The following MANBA variants were observed in gnomAD, a reference collection of about 807,000 sequenced individuals.
MANBA encodes the protein mannosidase beta, also known as beta-mannosidase.
Under a neutral mutation model 111.1 loss-of-function variants are expected in MANBA, and 83 were observed. The observed-to-expected ratio is 0.75, with a 90% CI of 0.63 to 0.90. The LOEUF (loss-of-function observed/expected upper bound fraction) is 0.90. Among genes scored for constraint, MANBA ranks in the 40% least tolerant of loss-of-function variants. The pLI is 0.00. For synonymous variants in MANBA, 370 were observed against 378.7 expected (o/e 0.98, Z 0.27); for missense variants, 1,036 against 1,069.0 (o/e 0.97, Z 0.43).
In MANBA at chr4:102,723,845, T is replaced by C. The variant is rs754692542; in HGVS notation, c.378+17A>G. On this transcript the variant is annotated intron_variant, in intron 3 of 16. Transcript: ENST00000647097. ...CACACATAAATTTTTTTTAACCTAA[T>C]GTCATTATATACTTACATATCTATT... 9.8e-6 allele frequency: 14 copies of C among 1,433,208 alleles called. No homozygotes were observed. In the Admixed American group the frequency reaches 1.2e-4, roughly 12 times the overall value. The allele number at this position is 1,433,208 out of a possible 1,614,324, so 88.8% of individuals were successfully genotyped here.
At chr4:102,751,879 G>C (rs760251105) in intron 1 of MANBA, 16 of 567,958 alleles carry the variant, frequency 2.8e-5, no homozygotes, top group Non-Finnish European at 4.8e-5. Flanking sequence ...TTATTTGTGA[G>C]TGCCTCTATG....
chr4:102,655,025 A>G (rs1730502096), intron 12 of MANBA, among the ~76,000 whole-genome samples: 2 of 152,182 alleles, frequency 1.3e-5, no homozygotes, highest in African/African-American at 2.4e-5. Context: ...TACAAAAATC[A>G]TCTGTATTTT....
chr4:102,702,686 T>C (rs539464210), intron 5 of MANBA, among the ~76,000 whole-genome samples: 1 of 152,212 alleles, frequency 6.6e-6, no homozygotes, highest in African/African-American at 2.4e-5. Context: ...CATAGATATA[T>C]ACATATATAT....
At chr4:102,735,619 A>G (rs928022531) in intron 1 of MANBA, among the ~76,000 whole-genome samples, 1 of 151,878 alleles carries the variant, frequency 6.6e-6, no homozygotes, top group East Asian at 1.9e-4. Context: ...GGTTGGTCTG[A>G]CCCTATTTGA....
chr4:102,757,563 A>G (rs2110215439), intron 1 of MANBA, among the ~76,000 whole-genome samples: 1 of 152,314 alleles, frequency 6.6e-6, no homozygotes, highest in East Asian at 1.9e-4. Flanking sequence ...CCATTAACAA[A>G]TCCAACTGAA....
At chr4:102,689,817 T>C in intron 6 of MANBA, 133 bp from the exon 7 acceptor site, 1 of 661,624 alleles carries the variant, frequency 1.5e-6, no homozygotes. Flanking sequence ...TCCCCACCTA[T>C]ATTATGCCCA....
chr4:102,657,864 T>C lies in MANBA; in HGVS notation c.1522A>G (p.Thr508Ala), dbSNP rs778853902. 16 of 1,613,588 alleles carry C rather than the reference T, an allele frequency of 9.9e-6. No individual in the cohort carries two copies. Among genetic ancestry groups the C allele is most frequent in the East Asian group, 2.2e-5 (1 of 44,896 alleles). ...TCTGCAACAGTTTCAGCCCCATTTG[T>C]AGGACTGGACGTAATAAAAGGACGA... ...KSRPFITSSPTNGAETVAEAW... is the reference protein window; with the variant it reads ...KSRPFITSSPANGAETVAEAW... The change falls in exon 12 of 17, where the codon ACA (threonine) becomes GCA (alanine). Residue 508 changes from threonine (T) to alanine (A), a missense_variant. Transcript: ENST00000647097.
At chr4:102,735,428 G>A (rs1304687190) in intron 1 of MANBA, among the ~76,000 whole-genome samples, 9 of 149,760 alleles carry the variant, frequency 6.0e-5, no homozygotes, top group Admixed American at 2.0e-4. Flanking sequence ...GAGTTCCTGG[G>A]GGAAATGTGG....
Position 102,657,893 on chromosome 4 carries a change from T to C in MANBA, c.1493A>G (p.Lys498Arg), listed in dbSNP as rs774850373. 5 of 1,603,290 alleles carry C rather than the reference T, an allele frequency of 3.1e-6. No individual in the cohort carries two copies. Among genetic ancestry groups the C allele is most frequent in the Admixed American group, 1.7e-5 (1 of 59,988 alleles). Residue 498 changes from lysine to arginine, a missense_variant, in exon 12 of 17, where the codon AAG becomes AGG. Lys to Arg is a conservative substitution (Grantham distance 26). Transcript: ENST00000647097. The stretch of plus-strand genomic sequence containing the variant: ...ACTGGACGTAATAAAAGGACGACTC[T>C]TGTCTCCCTGAGTTCAGAAATAAAA... ...NIRELVLAGD[K>R]SRPFITSSPT...
In MANBA at chr4:102,748,805, C is replaced by T. The variant is rs1180726089; in HGVS notation, c.177+11913G>A. Among the ~76,000 whole-genome samples the T allele has an allele frequency of 2.0e-4, 31 of 152,022 alleles. 1 individual carries two copies. Among genetic ancestry groups the T allele is most frequent in the Admixed American group, 1.5e-3 (23 of 15,272 alleles). ...GCAGGCGCCTGTAATCCCGGCTACTCGGGAGGCTGAGGCAGGAGAATCACT... is the reference window on the plus strand; with the variant it reads ...GCAGGCGCCTGTAATCCCGGCTACTTGGGAGGCTGAGGCAGGAGAATCACT... On this transcript the variant is annotated intron_variant, in intron 1 of 16. Coordinates refer to ENST00000647097, the MANE Select transcript of MANBA (RefSeq NM_005908.4).
intron 9 of MANBA, among the ~76,000 whole-genome samples, chr4:102,670,264 C>T (rs956143488): frequency 6.6e-6 from 1 of 151,434 alleles, no homozygotes; most frequent in African/African-American, 2.4e-5. Context: ...TATATAACCT[C>T]TTCATGTGTC....
At chr4:102,641,680 CTCTAAACTATA>C (rs1729884574) in intron 13 of MANBA, among the ~76,000 whole-genome samples, 1 of 152,102 alleles carries the variant, frequency 6.6e-6, no homozygotes, top group African/African-American at 2.4e-5. Context: ...AGTTTTCAGT[CTCTAAACTATA>C]TCAATTTTCA....
chr4:102,754,680 C>T (rs1723939757), intron 1 of MANBA, among the ~76,000 whole-genome samples: 1 of 151,978 alleles, frequency 6.6e-6, no homozygotes, highest in Admixed American at 6.6e-5. Context: ...CCTCAGCCTC[C>T]CGAGTAGCTG....
intron 1 of MANBA, among the ~76,000 whole-genome samples, chr4:102,757,505 A>T (rs540698908): frequency 5.9e-5 from 9 of 152,198 alleles, no homozygotes. Context: ...CAGCTCAGAT[A>T]AAAAAAATCC....
chr4:102,672,890 T>G (rs141150141), intron 8 of MANBA, among the ~76,000 whole-genome samples: 1 of 152,188 alleles, frequency 6.6e-6, no homozygotes, highest in Non-Finnish European at 1.5e-5. Flanking sequence ...TCCATGAAAC[T>G]GGTTATTGGT....
chr4:102,698,065 T>C (rs1483018920), intron 5 of MANBA, among the ~76,000 whole-genome samples: 1 of 151,988 alleles, frequency 6.6e-6, no homozygotes, highest in Non-Finnish European at 1.5e-5. Context: ...TGGTGTGAGA[T>C]GGTATCTCAT....
intron 6 of MANBA, 46 bp downstream of exon 6, chr4:102,690,550 G>A (rs2110243696): frequency 6.4e-7 from 1 of 1,555,092 alleles, no homozygotes; most frequent in Non-Finnish European, 8.9e-7. Flanking sequence ...CTTTAGCACA[G>A]GTATTGCTTT....
At chr4:102,692,038 G>A (rs1016226144) in intron 5 of MANBA, among the ~76,000 whole-genome samples, 1 of 152,096 alleles carries the variant, frequency 6.6e-6, no homozygotes. Context: ...GGGTCTTTTC[G>A]AACAGGTAAG....
chr4:102,679,444 AG>A (rs1217135917), intron 7 of MANBA, among the ~76,000 whole-genome samples: 1 of 152,162 alleles, frequency 6.6e-6, no homozygotes, highest in African/African-American at 2.4e-5. Context: ...TAATCACGCC[AG>A]TTTTTTAAAA....
Sources: allele counts gnomAD v4.1 joint callset (sites outside exome capture counted in the v4.1 genomes callset), GRCh38; gene constraint gnomAD v4.1.1; transcripts MANE v1.5; gene names NCBI Gene and HGNC (gene_info 2026-07-23, HGNC 2026-07-21).